Variants in ATAD5 observed in about 807,000 individuals in gnomAD.
ATAD5 encodes the protein ATPase family AAA domain-containing protein 5.
A neutral mutation model predicts 176.9 loss-of-function variants in ATAD5; 58 were observed. The observed-to-expected ratio is 0.33, with a 90% CI of 0.27 to 0.41. The LOEUF is 0.41. ATAD5 is among the 10% of genes least tolerant of loss of function. The pLI, the probability that ATAD5 is intolerant of heterozygous loss-of-function variation, is 1.00. For missense variants in ATAD5, 1,789 were observed against 2,094.1 expected (o/e 0.85, Z 2.84); for synonymous variants, 640 against 712.6 (o/e 0.90, Z 1.62).
intron 19 of ATAD5, 25 bp from the exon 20 acceptor site, chr17:30,892,582 G>C (rs1264049218): frequency 6.6e-7 from 1 of 1,507,994 alleles, no homozygotes. Flanking sequence ...CATATATAGA[G>C]CTAAGATTTT....
chr17:30,879,353 A>G, intron 17 of ATAD5, 70 bp from the exon 18 acceptor site: 2 of 1,542,894 alleles, frequency 1.3e-6, no homozygotes, highest in Non-Finnish European at 1.8e-6. Context: ...GAAAAGTATA[A>G]CTTGAAAAAG....
chr17:30,886,746 C>CA (rs74541319), intron 18 of ATAD5, among the ~76,000 whole-genome samples: 183 of 138,652 alleles, frequency 1.3e-3, no homozygotes, highest in Middle Eastern at 3.7e-3. Flanking sequence ...TGATCTCTAC[C>CA]AAAAAAAAAA....
chr17:30,878,598 A>G (rs1908801845), intron 17 of ATAD5, among the ~76,000 whole-genome samples: 1 of 151,924 alleles, frequency 6.6e-6, no homozygotes, highest in Non-Finnish European at 1.5e-5. Context: ...TAATTTTCTA[A>G]TATTTTTCCA....
intron 18 of ATAD5, among the ~76,000 whole-genome samples, chr17:30,885,176 T>C (rs1280548399): frequency 3.3e-5 from 5 of 152,188 alleles, no homozygotes; most frequent in Admixed American, 3.3e-4. Context: ...TCTTTGCTTT[T>C]TTTCTATTTT....
intron 8 of ATAD5, among the ~76,000 whole-genome samples, chr17:30,857,394 T>G (rs1907347434): frequency 1.3e-5 from 2 of 152,080 alleles, no homozygotes; most frequent in Admixed American, 1.3e-4. Flanking sequence ...TTTTGTATTT[T>G]TAGTAGAGAC....
At chr17:30,839,736 C>T (rs961580587) in intron 3 of ATAD5, among the ~76,000 whole-genome samples, 3 of 151,714 alleles carry the variant, frequency 2.0e-5, no homozygotes, top group African/African-American at 7.3e-5. Flanking sequence ...CGCCCGCCAC[C>T]AAGCCCAGCT....
intron 6 of ATAD5, among the ~76,000 whole-genome samples, 153 bp from the exon 7 acceptor site, chr17:30,854,990 C>G (rs776517306): frequency 5.3e-5 from 8 of 151,988 alleles, no homozygotes; most frequent in Non-Finnish European, 1.0e-4. Context: ...AAATCCTTGC[C>G]TTAAGTGATC....
At chr17:30,877,079 G>A (rs565703350) in intron 15 of ATAD5, among the ~76,000 whole-genome samples, 14 of 145,836 alleles carry the variant, frequency 9.6e-5, no homozygotes, top group African/African-American at 1.8e-4. Context: ...ATGCAGTGGC[G>A]CAATCTTGGC....
At chr17:30,877,976 A>G in intron 16 of ATAD5, 27 bp from the exon 17 acceptor site, 1 of 1,419,416 alleles carries the variant, frequency 7.0e-7, no homozygotes, top group Non-Finnish European at 9.9e-7. Context: ...AAGTGTATTA[A>G]TATATTAATA....
intron 4 of ATAD5, among the ~76,000 whole-genome samples, chr17:30,842,584 T>C (rs1891545046): frequency 6.6e-6 from 1 of 152,224 alleles, no homozygotes; most frequent in South Asian, 2.1e-4. Context: ...TCTATGCTGA[T>C]GACAGGAAAA....
At chr17:30,851,046 C>T (rs1268950141) in intron 6 of ATAD5, among the ~76,000 whole-genome samples, 5 of 144,256 alleles carry the variant, frequency 3.5e-5, no homozygotes, top group African/African-American at 1.2e-4. Flanking sequence ...CACCACACCC[C>T]GCTAATTTTT....
chr17:30,870,603 T>A (rs1272180651), intron 14 of ATAD5, among the ~76,000 whole-genome samples: 2 of 152,214 alleles, frequency 1.3e-5, no homozygotes, highest in African/African-American at 4.8e-5. Flanking sequence ...GCACTATTCC[T>A]CATCAACTCT....
chr17:30,836,418 A>G (rs1905749556), intron 2 of ATAD5, among the ~76,000 whole-genome samples: 1 of 151,896 alleles, frequency 6.6e-6, no homozygotes, highest in Admixed American at 6.6e-5. Context: ...ACCTCAAGCA[A>G]TCCACCCACC....
chr17:30,838,981 C>CT, intron 3 of ATAD5, among the ~76,000 whole-genome samples: 1 of 152,108 alleles, frequency 6.6e-6, no homozygotes. Context: ...TTTTTTATTT[C>CT]TTTTTTCTTT....
chr17:30,845,007 A>C, intron 6 of ATAD5, 91 bp downstream of exon 6: 1 of 1,154,894 alleles, frequency 8.7e-7, no homozygotes, highest in Non-Finnish European at 1.2e-6. Context: ...CATGTGAATT[A>C]TCATTTGAAG....
Position 30,832,310 on chromosome 17 carries a change from T to G in ATAD5, c.-38T>G. 6.7e-7 allele frequency: 1 copy of G among 1,489,704 alleles called. No individual in the cohort carries two copies. The highest frequency in any genetic ancestry group is 9.0e-7 in the Non-Finnish European group (1 of 1,112,658). 92.3% of individuals were successfully genotyped at this position (1,489,704 alleles called of 1,614,324 possible). A position where few individuals can be genotyped will look rare whatever the true frequency, so the allele number is the denominator to read the frequency against. On this transcript the variant is annotated 5_prime_UTR_variant, in exon 1 of 23. Transcript: ENST00000321990. Reference sequence around the variant, plus strand: ...TCCAGGCAGGCCGGGCTGGACCGCGTGAGGTCCTAGGAGACGGGATTCCGG... The same window carrying G: ...TCCAGGCAGGCCGGGCTGGACCGCGGGAGGTCCTAGGAGACGGGATTCCGG...
Position 30,832,296 on chromosome 17 carries a change from C to G in ATAD5, c.-52C>G. Reference sequence around the variant, plus strand: ...CCGCCTCCATGGCCTCCAGGCAGGCCGGGCTGGACCGCGTGAGGTCCTAGG... The same window carrying G: ...CCGCCTCCATGGCCTCCAGGCAGGCGGGGCTGGACCGCGTGAGGTCCTAGG... On this transcript the variant is annotated 5_prime_UTR_variant, in exon 1 of 23. Transcript: ENST00000321990. 1 of 1,421,710 alleles carries G rather than the reference C, an allele frequency of 7.0e-7. No individual in the cohort carries two copies. The highest frequency in any genetic ancestry group is 9.3e-7 in the Non-Finnish European group (1 of 1,075,796). 88.1% of individuals were successfully genotyped at this position (1,421,710 alleles called of 1,614,324 possible).
chr17:30,861,566 C>T (rs1039531282), intron 10 of ATAD5, among the ~76,000 whole-genome samples: 2 of 152,032 alleles, frequency 1.3e-5, no homozygotes, highest in Non-Finnish European at 2.9e-5. Flanking sequence ...CTCTCTCCGT[C>T]GCTTGCCTGA....
chr17:30,849,128 C>T (rs1452902542), intron 6 of ATAD5, among the ~76,000 whole-genome samples: 2 of 152,184 alleles, frequency 1.3e-5, no homozygotes, highest in Non-Finnish European at 2.9e-5. Context: ...GCCTCGGCCT[C>T]CCAAAGTGCT....
Sources: gnomAD v4.1 joint callset for allele counts (sites outside exome capture counted in the v4.1 genomes callset) on GRCh38, gnomAD v4.1.1 for gene constraint, MANE v1.5 for transcripts, NCBI Gene and HGNC (gene_info 2026-07-23, HGNC 2026-07-21) for gene names.